The following IGFBP7 variants were observed in gnomAD, a reference collection of about 807,000 sequenced individuals.
IGFBP7 encodes the protein insulin-like growth factor-binding protein 7.
IGFBP7 carries 31 observed loss-of-function variants against 29.4 expected under a neutral mutation model. The ratio of observed to expected loss-of-function variants is 1.05; its 90% CI spans 0.79 to 1.42. IGFBP7 has a LOEUF of 1.42. Ranked by LOEUF, IGFBP7 falls within the 40% of genes most tolerant of loss-of-function variation. IGFBP7 has a pLI of 0.00. For synonymous variants in IGFBP7, 172 were observed against 174.9 expected (o/e 0.98, Z 0.13); for missense variants, 393 against 395.5 (o/e 0.99, Z 0.05).
intron 1 of IGFBP7, 64 bp downstream of exon 1, chr4:57,109,813 C>G (rs1365956096): frequency 3.4e-6 from 5 of 1,482,814 alleles, no homozygotes; most frequent in South Asian, 2.6e-5. Context: ...GCGGACGCCC[C>G]GTCGGATGTG....
chr4:57,046,401 T>G (rs1724362986), intron 1 of IGFBP7, among the ~76,000 whole-genome samples: 1 of 152,160 alleles, frequency 6.6e-6, no homozygotes, highest in African/African-American at 2.4e-5. Flanking sequence ...CCACTCTACC[T>G]TTCTTCCAAG....
At position 57,096,065 on chromosome 4, in the gene IGFBP7, T is replaced by G. The variant is rs1725755239; in HGVS notation, c.475+13812A>C. 2.6e-5 allele frequency among the ~76,000 whole-genome samples: 4 copies of G among 151,992 alleles called. No individual in the cohort carries two copies. In the South Asian group the frequency reaches 8.3e-4, roughly 32 times the overall value. On this transcript the variant is annotated intron_variant, in intron 1 of 4. Coordinates refer to ENST00000295666, the MANE Select transcript of IGFBP7 (RefSeq NM_001553.3). ...TGGAGCGTATGTTCTAGTGAAATAA[T>G]AGAAAGATTGGATCATGTGGCTTTA...
At chr4:57,052,886 G>A (rs1206466634) in intron 1 of IGFBP7, among the ~76,000 whole-genome samples, 2 of 152,162 alleles carry the variant, frequency 1.3e-5, no homozygotes, top group Non-Finnish European at 2.9e-5. Flanking sequence ...TACGATGACT[G>A]TCAATCTTGT....
chr4:57,039,630 A>G (rs1269988492), intron 2 of IGFBP7, among the ~76,000 whole-genome samples: 1 of 149,370 alleles, frequency 6.7e-6, no homozygotes, highest in African/African-American at 2.5e-5. Flanking sequence ...ACCCTGGCTA[A>G]GGAATTCACA....
Position 57,032,476 on chromosome 4 carries a change from GA to G in IGFBP7, c.778del (p.Ser260GlnfsTer15). The G allele has an allele frequency of 6.2e-7, 1 of 1,613,916 alleles. No individual in the cohort carries two copies. The highest frequency in any genetic ancestry group is 1.6e-4 in the Middle Eastern group (1 of 6,062). On this transcript the variant is annotated frameshift_variant, in exon 4 of 5. Coordinates refer to ENST00000295666, the MANE Select transcript of IGFBP7 (RefSeq NM_001553.3). LOFTEE classifies it high-confidence loss of function. ...GGCATCAACCACTGTAATTTTTGCT[GA>G]TGCTGAAGCCTGTCCTTGGGAATTG... The part of the protein sequence containing the change: ...ASNSQGQASA[S>X]AKITVVDALH...
In IGFBP7 at chr4:57,031,171, C is replaced by G; in HGVS notation, c.*146G>C. ...TTTGTAGATAGTCTTGATGTGTGAT[C>G]TTTATTTTGTATTTCTCTGTGTAAA... On this transcript the variant is annotated 3_prime_UTR_variant, in exon 5 of 5. Coordinates refer to ENST00000295666, the MANE Select transcript of IGFBP7 (RefSeq NM_001553.3). The G allele has an allele frequency of 1.3e-6, 1 of 788,098 alleles. No individual in the cohort carries two copies. Among genetic ancestry groups the G allele is most frequent in the Non-Finnish European group, 2.1e-6 (1 of 468,714 alleles). The allele number at this position is 788,098 out of a possible 1,614,324, so 48.8% of individuals were successfully genotyped here.
chr4:57,072,158 T>C (rs1725067636), intron 1 of IGFBP7, among the ~76,000 whole-genome samples: 2 of 151,758 alleles, frequency 1.3e-5, no homozygotes, highest in South Asian at 2.1e-4. Context: ...CACCCTCCAC[T>C]GTCAGGTAGA....
At chr4:57,069,894 CCAA>C (rs1040546518) in intron 1 of IGFBP7, among the ~76,000 whole-genome samples, 1 of 152,072 alleles carries the variant, frequency 6.6e-6, no homozygotes, top group Non-Finnish European at 1.5e-5. Context: ...AACAGACTGG[CCAA>C]CATGACAAAA....
In IGFBP7 at chr4:57,031,117, G is replaced by A. The variant is rs536627544; in HGVS notation, c.*200C>T. Reference sequence around the variant, plus strand: ...ATTTTATTTGTTTAATGATATGCATGCTTTTCTTCTGTAAATATATAATAA... The same window carrying A: ...ATTTTATTTGTTTAATGATATGCATACTTTTCTTCTGTAAATATATAATAA... On this transcript the variant is annotated 3_prime_UTR_variant, in exon 5 of 5. Coordinates refer to ENST00000295666, the MANE Select transcript of IGFBP7 (RefSeq NM_001553.3). The A allele has an allele frequency of 1.4e-5, 10 of 717,632 alleles. No individual in the cohort carries two copies. Among genetic ancestry groups the A allele is most frequent in the East Asian group, 2.6e-5 (1 of 38,046 alleles). The allele number at this position is 717,632 out of a possible 1,614,324, so 44.5% of individuals were successfully genotyped here. A position where few individuals can be genotyped will look rare whatever the true frequency, so the allele number is the denominator to read the frequency against.
Position 57,109,922 on chromosome 4 carries a change from C to G in IGFBP7, c.430G>C (p.Gly144Arg). The G allele has an allele frequency of 6.4e-7, 1 of 1,557,340 alleles. No homozygotes were observed. The highest frequency in any genetic ancestry group is 8.6e-7 in the Non-Finnish European group (1 of 1,157,958). Residue 144 changes from glycine to arginine, a missense_variant, in exon 1 of 5, where the codon GGG (glycine) becomes CGG (arginine). By Grantham distance (125) the Gly-to-Arg change is moderately radical. Coordinates refer to ENST00000295666, the MANE Select transcript of IGFBP7 (RefSeq NM_001553.3). ...CTGACCTGGGTGATGGCCTTCTCCC[C>G]GCGGCTCTCGGCCCTCTGGCTGGCG... ...RAASQRAESR[G>R]EKAITQVSKG... is the part of the protein sequence containing the mutation.
At chr4:57,073,721 C>T (rs1043851392) in intron 1 of IGFBP7, among the ~76,000 whole-genome samples, 50 of 152,168 alleles carry the variant, frequency 3.3e-4, no homozygotes, top group Non-Finnish European at 6.5e-4. Context: ...CCTAAGCTTC[C>T]ACAACTACAG....
chr4:57,057,334 A>G (rs930146252), intron 1 of IGFBP7, among the ~76,000 whole-genome samples: 2 of 152,220 alleles, frequency 1.3e-5, no homozygotes, highest in Non-Finnish European at 2.9e-5. Flanking sequence ...AAAGGTGAGG[A>G]CATTATGCCT....
At position 57,069,823 on chromosome 4, in the gene IGFBP7, C is replaced by G. The variant is rs1206190619; in HGVS notation, c.476-28890G>C. 2.0e-5 allele frequency among the ~76,000 whole-genome samples: 3 copies of G among 152,170 alleles called. No individual in the cohort carries two copies. The East Asian group carries it at 5.8e-4, about 29-fold the overall frequency. ...TGGGGTCAGGTGCGGTGGCTCCCTC[C>G]TGCAATCCCAGCACTTTGGGAGGCC... is the stretch of plus-strand genomic sequence containing the variant. On this transcript the variant is annotated intron_variant, in intron 1 of 4. Coordinates refer to ENST00000295666, the MANE Select transcript of IGFBP7 (RefSeq NM_001553.3).
At chr4:57,076,007 G>A (rs1725214314) in intron 1 of IGFBP7, among the ~76,000 whole-genome samples, 1 of 152,132 alleles carries the variant, frequency 6.6e-6, no homozygotes, top group South Asian at 2.1e-4. Context: ...AGTCGGCCTG[G>A]GCTGCTATAA....
intron 1 of IGFBP7, among the ~76,000 whole-genome samples, chr4:57,081,832 A>G (rs915605402): frequency 6.6e-6 from 1 of 152,204 alleles, no homozygotes; most frequent in African/African-American, 2.4e-5. Context: ...ATAAAGGACT[A>G]TTCAGAGTTC....
intron 1 of IGFBP7, among the ~76,000 whole-genome samples, chr4:57,108,208 G>T (rs911062879): frequency 3.3e-5 from 5 of 152,220 alleles, no homozygotes; most frequent in Non-Finnish European, 7.3e-5. Context: ...ATAGTTACTA[G>T]TGAGTTACAC....
intron 1 of IGFBP7, among the ~76,000 whole-genome samples, chr4:57,082,960 G>A (rs1036031681): frequency 6.6e-6 from 1 of 152,046 alleles, no homozygotes; most frequent in Admixed American, 6.6e-5. Flanking sequence ...AACAATCCAT[G>A]TATTATGTAT....
At chr4:57,074,699 T>C (rs1204613354) in intron 1 of IGFBP7, among the ~76,000 whole-genome samples, 2 of 152,204 alleles carry the variant, frequency 1.3e-5, no homozygotes, top group Non-Finnish European at 2.9e-5. Context: ...TTTAAACACT[T>C]TTTCAGACAG....
At position 57,069,712 on chromosome 4, in the gene IGFBP7, G is replaced by C. The variant is rs372340101; in HGVS notation, c.476-28779C>G. On this transcript the variant is annotated intron_variant, in intron 1 of 4. Transcript: ENST00000295666. Reference sequence around the variant, plus strand: ...ACAGCAAATAAGCAGAGAGAAGGTGGGCAGGAGCCACACATTACAGAAACT... The same window carrying C: ...ACAGCAAATAAGCAGAGAGAAGGTGCGCAGGAGCCACACATTACAGAAACT... Among the ~76,000 whole-genome samples the C allele has an allele frequency of 9.2e-5, 14 of 151,892 alleles. No homozygotes were observed. The East Asian group carries it at 2.4e-3, about 26-fold the overall frequency.
Sources: gnomAD v4.1 joint callset for allele counts (sites outside exome capture counted in the v4.1 genomes callset) on GRCh38, gnomAD v4.1.1 for gene constraint, MANE v1.5 for transcripts, NCBI Gene and HGNC (gene_info 2026-07-23, HGNC 2026-07-21) for gene names.